The following INSC variants were observed in gnomAD, a reference collection of about 807,000 sequenced individuals.
The protein encoded by INSC is INSC spindle orientation adaptor protein, also known as protein inscuteable homolog.
In INSC, 67 loss-of-function variants were observed where a neutral mutation model predicts 58.6. The observed-to-expected ratio is 1.14, with a 90% CI of 0.94 to 1.40. The LOEUF (loss-of-function observed/expected upper bound fraction) is 1.40, where lower values mean the gene tolerates loss of function less well. Among genes scored for constraint, INSC ranks in the 40% most tolerant of loss-of-function variants. The pLI, the probability that INSC is intolerant of heterozygous loss-of-function variation, is 0.00. For synonymous variants in INSC, 262 were observed against 276.1 expected (o/e 0.95, Z 0.51); for missense variants, 714 against 692.0 (o/e 1.03, Z -0.36).
At position 15,176,028 on chromosome 11, in the gene INSC, G is replaced by C. The variant is rs746748991; in HGVS notation, c.344G>C (p.Arg115Pro). The stretch of plus-strand genomic sequence containing the variant: ...AGCGTGCGTCTGACCTGCCATGCCC[G>C]CTCCATGGTCAGCGAGTACAGTGCT... ...SMSVRLTCHARSMVSEYSAVS... is the reference protein window; with the variant it reads ...SMSVRLTCHAPSMVSEYSAVS... Residue 115 changes from arginine to proline, a missense_variant, in exon 3 of 13, where the codon CGC (arginine) becomes CCC (proline). Transcript: ENST00000379556. 1.8e-5 allele frequency: 28 copies of C among 1,580,714 alleles called. No homozygotes were observed. Among genetic ancestry groups the C allele is most frequent in the Non-Finnish European group, 2.3e-5 (27 of 1,160,284 alleles).
chr11:15,177,205 C>T (rs373820194), intron 4 of INSC, 42 bp downstream of exon 4: 4 of 1,536,014 alleles, frequency 2.6e-6, no homozygotes, highest in Non-Finnish European at 3.6e-6. Context: ...GCCCACCCGA[C>T]CTCTGGCAGG....
chr11:15,248,761 G>A (rs1221000587), downstream of INSC, among the ~76,000 whole-genome samples: 1 of 152,160 alleles, frequency 6.6e-6, no homozygotes, highest in Non-Finnish European at 1.5e-5. Context: ...TATTATGAAG[G>A]TGCATGTATA....
At chr11:15,117,767 T>C (rs1415893521) in intron 1 of INSC, among the ~76,000 whole-genome samples, 1 of 152,204 alleles carries the variant, frequency 6.6e-6, no homozygotes, top group Non-Finnish European at 1.5e-5. Flanking sequence ...GGTTTTCAAC[T>C]CATATGTCTC....
intron 10 of INSC, 107 bp from the exon 11 acceptor site, chr11:15,238,812 T>TCATCCTGAC (rs1281689174): frequency 5.2e-6 from 6 of 1,164,992 alleles, no homozygotes; most frequent in African/African-American, 1.5e-5. Context: ...ACCCCTGAAG[T>TCATCCTGAC]CATCCTGACA....
chr11:15,244,575 T>C (rs1852488172), intron 12 of INSC, among the ~76,000 whole-genome samples: 2 of 152,296 alleles, frequency 1.3e-5, no homozygotes, highest in East Asian at 1.9e-4. Context: ...ATCCTACCTG[T>C]GTGCATAGGT....
chr11:15,263,092 T>C, the INSC span, among the ~76,000 whole-genome samples: 69 of 152,224 alleles, frequency 4.5e-4, no homozygotes, highest in South Asian at 1.5e-3. Context: ...GAGAATCCAA[T>C]AGATGTTTTT....
intron 7 of INSC, 73 bp downstream of exon 7, chr11:15,201,022 C>A: frequency 6.6e-7 from 1 of 1,508,196 alleles, no homozygotes. Context: ...CTCATGATGG[C>A]CATCTGTTCC....
At chr11:15,206,118 C>T (rs1850787166) in intron 7 of INSC, among the ~76,000 whole-genome samples, 1 of 152,208 alleles carries the variant, frequency 6.6e-6, no homozygotes, top group East Asian at 1.9e-4. Flanking sequence ...CTCCTCATTC[C>T]CTACCCCTAT....
At position 15,200,954 on chromosome 11, in the gene INSC, G is replaced by A; in HGVS notation, c.819+5G>A. On this transcript the variant is annotated splice_donor_5th_base_variant and intron_variant, in intron 7 of 12. Transcript: ENST00000379556. ...GGTGTCCACCAGCTGGAGAAGGTAAGGACAGCTGGCTGGGTGGTGCCTGAG... is the reference window on the plus strand; with the variant it reads ...GGTGTCCACCAGCTGGAGAAGGTAAAGACAGCTGGCTGGGTGGTGCCTGAG... The A allele has an allele frequency of 1.3e-6, 2 of 1,595,620 alleles. No individual in the cohort carries two copies. Among genetic ancestry groups the A allele is most frequent in the East Asian group, 2.3e-5 (1 of 43,888 alleles).
At chr11:15,252,798 C>G in the INSC span, among the ~76,000 whole-genome samples, 1 of 152,156 alleles carries the variant, frequency 6.6e-6, no homozygotes, top group African/African-American at 2.4e-5. Flanking sequence ...TTTAAAACCA[C>G]CACATTGATT....
chr11:15,245,856 C>T (rs1852541162), intron 12 of INSC, 56 bp from the exon 13 acceptor site: 2 of 1,578,626 alleles, frequency 1.3e-6, no homozygotes, highest in Non-Finnish European at 1.7e-6. Context: ...GAAGGAAATA[C>T]ATGTACCTGA....
chr11:15,190,573 C>T, intron 5 of INSC, 128 bp from the exon 6 acceptor site: 1 of 721,842 alleles, frequency 1.4e-6, no homozygotes, highest in Non-Finnish European at 2.5e-6. Context: ...CACAATGAGG[C>T]AGTAGCTAGG....
chr11:15,196,503 C>T (rs1437982330), intron 6 of INSC, among the ~76,000 whole-genome samples: 2 of 152,178 alleles, frequency 1.3e-5, no homozygotes, highest in African/African-American at 4.8e-5. Context: ...CTGTCTCCCT[C>T]CTAATCAGTA....
At chr11:15,255,533 C>T in the INSC span, among the ~76,000 whole-genome samples, 1 of 152,292 alleles carries the variant, frequency 6.6e-6, no homozygotes, top group Non-Finnish European at 1.5e-5. Flanking sequence ...AAAGCAATGA[C>T]AGCCTTTGGG....
chr11:15,215,849 G>A (rs556896278), intron 7 of INSC, among the ~76,000 whole-genome samples: 1 of 152,266 alleles, frequency 6.6e-6, no homozygotes, highest in African/African-American at 2.4e-5. Context: ...GTGCATGCAT[G>A]TTCACAGAGG....
At chr11:15,176,572 T>C (rs77236525) in intron 3 of INSC, among the ~76,000 whole-genome samples, 1,893 of 152,228 alleles carry the variant, frequency 0.012, 46 homozygotes, top group African/African-American at 0.043. Context: ...TTACCTTTAT[T>C]TTATAGATGA....
chr11:15,231,502 G>T (rs114317128), intron 9 of INSC, among the ~76,000 whole-genome samples: 2,745 of 152,334 alleles, frequency 0.018, 90 homozygotes, highest in African/African-American at 0.063. Flanking sequence ...TGGCCTGTAG[G>T]TCATGGGTTG....
downstream of INSC, among the ~76,000 whole-genome samples, chr11:15,247,744 T>C (rs999590881): frequency 5.1e-3 from 758 of 148,924 alleles, 14 homozygotes; most frequent in African/African-American, 0.018. Context: ...TATATATATA[T>C]ATATATATAT....
At chr11:15,260,114 C>A in the INSC span, among the ~76,000 whole-genome samples, 1 of 152,168 alleles carries the variant, frequency 6.6e-6, no homozygotes, top group Non-Finnish European at 1.5e-5. Context: ...CCAACCCAGC[C>A]TGCCTGAGGG....
Sources: gnomAD v4.1 joint callset for allele counts (sites outside exome capture counted in the v4.1 genomes callset) on GRCh38, gnomAD v4.1.1 for gene constraint, MANE v1.5 for transcripts, NCBI Gene and HGNC (gene_info 2026-07-23, HGNC 2026-07-21) for gene names.